UBE2F: variants seen among roughly 807,000 people sequenced by gnomAD.
UBE2F encodes the protein NEDD8-conjugating enzyme UBE2F.
Under a neutral mutation model 29.6 loss-of-function variants are expected in UBE2F, and 5 were observed. The observed-to-expected ratio is 0.17, with a 90% confidence interval of 0.09 to 0.36. The LOEUF (loss-of-function observed/expected upper bound fraction) is 0.36. Ranked by LOEUF, UBE2F falls within the 10% of genes least tolerant of loss-of-function variation. The pLI, the probability that UBE2F is intolerant of heterozygous loss-of-function variation, is 1.00. For synonymous variants in UBE2F, 66 were observed against 81.8 expected (o/e 0.81, Z 1.04); for missense variants, 141 against 228.5 (o/e 0.62, Z 2.47).
chr2:238,033,925 A>G (rs1011543020), intron 8 of UBE2F, among the ~76,000 whole-genome samples: 2 of 152,278 alleles, frequency 1.3e-5, no homozygotes, highest in Middle Eastern at 3.4e-3. Context: ...GAGCCTTGGC[A>G]TCTCCAGATT....
intron 5 of UBE2F, chr2:238,025,135 A>G: frequency 1.8e-6 from 1 of 569,628 alleles, no homozygotes; most frequent in South Asian, 1.9e-5. Context: ...TGCTGAGACT[A>G]GCCCTTGTGG....
intron 2 of UBE2F, among the ~76,000 whole-genome samples, chr2:237,974,896 G>A (rs947791887): frequency 2.6e-5 from 4 of 151,566 alleles, no homozygotes; most frequent in African/African-American, 9.7e-5. Context: ...TAATCCACCC[G>A]CCTCGGCCTC....
At chr2:238,036,489 T>C (rs756602779) in intron 9 of UBE2F, among the ~76,000 whole-genome samples, 26 of 149,476 alleles carry the variant, frequency 1.7e-4, no homozygotes, top group Non-Finnish European at 3.1e-4. Flanking sequence ...CGAGAAGTGA[T>C]TTTTTTTTTA....
intron 5 of UBE2F, among the ~76,000 whole-genome samples, chr2:238,020,653 C>T (rs555669546): frequency 1.3e-5 from 2 of 152,274 alleles, no homozygotes; most frequent in African/African-American, 4.8e-5. Context: ...TTTGGAATCC[C>T]CCACCCCACC....
rs1439501799 is a variant in UBE2F, at chr2:237,982,512, C to T, written c.119-5451C>T. Among the ~76,000 whole-genome samples, 2 of 152,134 alleles carry T rather than the reference C, an allele frequency of 1.3e-5. No homozygotes were observed. Among genetic ancestry groups the T allele is most frequent in the Non-Finnish European group, 2.9e-5 (2 of 68,034 alleles). On this transcript the variant is annotated intron_variant, in intron 2 of 9. Coordinates refer to ENST00000272930, the MANE Select transcript of UBE2F (RefSeq NM_080678.3). The surrounding 1 kb of genome is among the most constrained non-coding windows in gnomAD (Gnocchi z 4.1). ...CCGTCTGGACACATTTCTAAATTCC[C>T]GTAGGAAAAGCTGGATGACAGGAGT...
chr2:238,021,729 A>G (rs1274555087), intron 5 of UBE2F, among the ~76,000 whole-genome samples: 2 of 152,230 alleles, frequency 1.3e-5, no homozygotes, highest in Admixed American at 1.3e-4. Context: ...TGGACCACAT[A>G]GTCTCTGTCC....
At chr2:238,024,059 A>G (rs2064356784) in intron 5 of UBE2F, among the ~76,000 whole-genome samples, 1 of 152,200 alleles carries the variant, frequency 6.6e-6, no homozygotes, top group Non-Finnish European at 1.5e-5. Context: ...GATGGCAGAA[A>G]TAACTAAAAC....
chr2:238,041,031 C>A (rs745939311), intron 9 of UBE2F, among the ~76,000 whole-genome samples: 1 of 152,120 alleles, frequency 6.6e-6, no homozygotes, highest in Admixed American at 6.5e-5. Context: ...GGGATAGGTA[C>A]CCCCTTAGGG....
intron 5 of UBE2F, among the ~76,000 whole-genome samples, chr2:238,017,107 A>T (rs1277176841): frequency 6.6e-6 from 1 of 152,254 alleles, no homozygotes; most frequent in Non-Finnish European, 1.5e-5. Context: ...AAATACCATT[A>T]CATTATGTCT....
chr2:237,993,137 G>A (rs894079873), intron 3 of UBE2F, among the ~76,000 whole-genome samples: 8 of 151,856 alleles, frequency 5.3e-5, no homozygotes, highest in African/African-American at 1.5e-4. Context: ...ACAGGCGCCC[G>A]CCACCTTGCC....
At chr2:238,000,573 C>T (rs2063773184) in intron 4 of UBE2F, among the ~76,000 whole-genome samples, 1 of 152,132 alleles carries the variant, frequency 6.6e-6, no homozygotes, top group Non-Finnish European at 1.5e-5. Flanking sequence ...GTGGACGAAC[C>T]TTTGTGTTGT....
rs751125001 is a variant in UBE2F at position 238,042,593 on chromosome 2, T to G, written c.*1255T>G. 1 of 152,278 alleles carries G rather than the reference T, an allele frequency of 6.6e-6. No homozygotes were observed. Among genetic ancestry groups the G allele is most frequent in the African/African-American group, 2.4e-5 (1 of 41,472 alleles). The allele number at this position is 152,278 out of a possible 1,614,324, so 9.4% of individuals were successfully genotyped here. A position where few individuals can be genotyped will look rare whatever the true frequency, so the allele number is the denominator to read the frequency against. On this transcript the variant is annotated 3_prime_UTR_variant, in exon 10 of 10. Coordinates refer to ENST00000272930, the MANE Select transcript of UBE2F (RefSeq NM_080678.3). ...ACACAAAATAAATGTCTGTCTAGTT[T>G]CATTTGCTGCCTGCCTAACACTCTC...
chr2:238,037,054 T>A (rs1202265854), intron 9 of UBE2F, among the ~76,000 whole-genome samples: 1 of 152,210 alleles, frequency 6.6e-6, no homozygotes, highest in Non-Finnish European at 1.5e-5. Flanking sequence ...CCTGAGCTTG[T>A]CAAGGTTCAG....
chr2:238,000,588 A>G (rs1223507349), intron 4 of UBE2F, among the ~76,000 whole-genome samples: 1 of 152,168 alleles, frequency 6.6e-6, no homozygotes, highest in Admixed American at 6.5e-5. Context: ...TGTTGTTTCC[A>G]CTTTGGGGCT....
intron 3 of UBE2F, among the ~76,000 whole-genome samples, chr2:237,994,441 A>G (rs757067904): frequency 6.6e-6 from 1 of 152,218 alleles, no homozygotes; most frequent in Non-Finnish European, 1.5e-5. Context: ...GTCAAAGTAC[A>G]GTAGCATAAT....
chr2:237,985,292 A>G (rs1401493973), intron 2 of UBE2F, among the ~76,000 whole-genome samples: 1 of 152,220 alleles, frequency 6.6e-6, no homozygotes, highest in Non-Finnish European at 1.5e-5. Flanking sequence ...TATGAACTAT[A>G]GTCATCATGC....
Position 237,994,107 on chromosome 2 carries a change from TTC to T in UBE2F, c.149-635_149-634del, listed in dbSNP as rs1491261190. Among the ~76,000 whole-genome samples the T allele has an allele frequency of 4.2e-3, 451 of 107,264 alleles. 1 individual carries two copies. Among genetic ancestry groups the T allele is most frequent in the African/African-American group, 0.014 (425 of 30,192 alleles). The allele number at this position is 107,264 out of a possible 152,430, so 70.4% of individuals were successfully genotyped here. On this transcript the variant is annotated intron_variant, in intron 3 of 9. Transcript: ENST00000272930. ...GGGCGCACTCTTCTTCTTCTTCTTC[TTC>T]TTTTTTTTTTTTTTTTTTGAGGCAG...
intron 4 of UBE2F, among the ~76,000 whole-genome samples, chr2:238,005,712 T>C (rs2106368823): frequency 6.6e-6 from 1 of 152,288 alleles, no homozygotes; most frequent in African/African-American, 2.4e-5. Context: ...TACATGACTA[T>C]ATGTGTGTGG....
At position 238,041,821 on chromosome 2, in the gene UBE2F, A is replaced by G. The variant is rs1410449644; in HGVS notation, c.*483A>G. 2 of 154,558 alleles carry G rather than the reference A, an allele frequency of 1.3e-5. No individual in the cohort carries two copies. Among genetic ancestry groups the G allele is most frequent in the Admixed American group, 1.3e-4 (2 of 15,454 alleles). 9.6% of individuals were successfully genotyped at this position (154,558 alleles called of 1,614,324 possible). On this transcript the variant is annotated 3_prime_UTR_variant, in exon 10 of 10. Transcript: ENST00000272930. ...TCTTTCACGAATGTTGGCCCTGCCTAGATGTTGTGAAGCCTCCCAGAATGC... is the reference window on the plus strand; with the variant it reads ...TCTTTCACGAATGTTGGCCCTGCCTGGATGTTGTGAAGCCTCCCAGAATGC...
Sources: allele counts gnomAD v4.1 joint callset (sites outside exome capture counted in the v4.1 genomes callset), GRCh38; gene constraint gnomAD v4.1.1; non-coding constraint Gnocchi (gnomAD v3.1); transcripts MANE v1.5; gene names NCBI Gene and HGNC (gene_info 2026-07-23, HGNC 2026-07-21).